The following ZNF483 variants were observed in gnomAD, a reference collection of about 807,000 sequenced individuals.
ZNF483 encodes the protein zinc finger protein 483, also known as zinc finger protein HIT-10.
A neutral mutation model predicts 28.6 loss-of-function variants in ZNF483; 9 were observed. The observed-to-expected ratio is 0.32, with a 90% CI of 0.19 to 0.55. The LOEUF (loss-of-function observed/expected upper bound fraction) is 0.55, where lower values mean the gene tolerates loss of function less well. ZNF483 is among the 20% of genes least tolerant of loss of function. ZNF483 has a pLI of 0.93. For synonymous variants in ZNF483, 322 were observed against 306.2 expected (o/e 1.05, Z -0.54); for missense variants, 675 against 871.7 (o/e 0.77, Z 2.84).
At chr9:111,532,680 A>G (rs1455476395) in intron 3 of ZNF483, among the ~76,000 whole-genome samples, 2 of 152,190 alleles carry the variant, frequency 1.3e-5, no homozygotes, top group Non-Finnish European at 2.9e-5. Flanking sequence ...GAGGAAGGTA[A>G]TACACGTACC....
Position 111,543,181 on chromosome 9 carries a change from A to G in ZNF483, c.*11A>G. The G allele has an allele frequency of 1.3e-6, 2 of 1,573,662 alleles. No homozygotes were observed. The highest frequency in any genetic ancestry group is 1.4e-5 in the African/African-American group (1 of 73,640). ...CACTCTGCAGAGTAATCCTGGAACT[A>G]CATTAAAGTGGGGGGAATTTAATTC... is the stretch of plus-strand genomic sequence containing the variant. On this transcript the variant is annotated 3_prime_UTR_variant, in exon 6 of 6. Transcript: ENST00000309235.
intron 5 of ZNF483, among the ~76,000 whole-genome samples, chr9:111,567,430 C>A (rs150988119): frequency 1.3e-5 from 2 of 152,288 alleles, no homozygotes; most frequent in African/African-American, 4.8e-5. Context: ...TGTGATCCAC[C>A]TGCCTTGGCC....
intron 5 of ZNF483, chr9:111,575,515 CAAAGCTA>C (rs1829019096): frequency 6.6e-6 from 1 of 152,210 alleles, no homozygotes; most frequent in East Asian, 1.9e-4. Flanking sequence ...AAACTTAATA[CAAAGCTA>C]AATTAATTAA....
At chr9:111,559,422 C>T (rs531416456), downstream of ZNF483, among the ~76,000 whole-genome samples, 72 of 152,104 alleles carry the variant, frequency 4.7e-4, no homozygotes, top group African/African-American at 1.5e-3. Context: ...CCCTGCTGCC[C>T]CTGCCCTACC....
In ZNF483 at chr9:111,550,532, C is replaced by G. The variant is rs1827908886; in HGVS notation, c.*7362C>G. On this transcript the variant is annotated 3_prime_UTR_variant, in exon 6 of 6. Transcript: ENST00000309235. ...TCCACCAATGTTAACTGCAATTTAC[C>G]ACTCAGAATTTCCCCTAGAAGCTAC... 6.6e-6 allele frequency among the ~76,000 whole-genome samples: 1 copy of G among 152,126 alleles called. No homozygotes were observed. Among genetic ancestry groups the G allele is most frequent in the Admixed American group, 6.6e-5 (1 of 15,258 alleles).
rs971737933 is a variant in ZNF483 at position 111,554,786 on chromosome 9, G to A, written c.*11616G>A. ...CAAGATTGAGGGTAACTGAAACCAC[G>A]GAAAGTGAAACTTTGAATAAGGGGA... On this transcript the variant is annotated 3_prime_UTR_variant, in exon 6 of 6. Transcript: ENST00000309235. Among the ~76,000 whole-genome samples the A allele has an allele frequency of 6.6e-6, 1 of 152,134 alleles. No homozygotes were observed. Among genetic ancestry groups the A allele is most frequent in the Non-Finnish European group, 1.5e-5 (1 of 68,012 alleles).
intron 5 of ZNF483, chr9:111,570,108 G>C (rs1276705001): frequency 6.2e-7 from 1 of 1,614,130 alleles, no homozygotes; most frequent in Non-Finnish European, 8.5e-7. Flanking sequence ...ACCCATTTCA[G>C]CAAGTCCTTC....
intron 2 of ZNF483, chr9:111,528,056 A>G (rs1827224755): frequency 5.0e-6 from 7 of 1,403,720 alleles, no homozygotes; most frequent in Non-Finnish European, 5.6e-6. Flanking sequence ...GTGAGACAAG[A>G]TAGGATATAA....
Position 111,542,149 on chromosome 9 carries a change from T to A in ZNF483, c.1214T>A (p.Leu405His), listed in dbSNP as rs771939317. 1 of 1,614,076 alleles carries A rather than the reference T, an allele frequency of 6.2e-7. No homozygotes were observed. The highest frequency in any genetic ancestry group is 2.2e-5 in the East Asian group (1 of 44,886). The change falls in exon 6 of 6, where the codon CTT (leucine) becomes CAT (histidine). Residue 405 changes from leucine (L) to histidine (H), a missense_variant. By Grantham distance (99) the Leu-to-His change is moderately conservative. Around this residue, in one of 6 missense-constraint regions of ZNF483, gnomAD observed 525 missense variants for 581.8 expected, o/e 0.90. Coordinates refer to ENST00000309235, the MANE Select transcript of ZNF483 (RefSeq NM_133464.5). This position sits in a 1 kb window ranked among gnomAD's most constrained non-coding sequence, Gnocchi z 6.2. ...CGIIFIRRST[L>H]SRRKTPMCEK... Reference sequence around the variant, plus strand: ...ATAATCTTTATTAGAAGATCAACTCTTTCTAGGAGAAAAACCCCTATGTGT... The same window carrying A: ...ATAATCTTTATTAGAAGATCAACTCATTCTAGGAGAAAAACCCCTATGTGT...
At chr9:111,534,492 T>G (rs1564593432) in intron 5 of ZNF483, 139 bp downstream of exon 5, 3 of 691,494 alleles carry the variant, frequency 4.3e-6, no homozygotes, top group Non-Finnish European at 2.4e-6. Flanking sequence ...CCTGAAATGT[T>G]CATTTTAGTG....
chr9:111,570,739 A>C (rs1828782407), intron 5 of ZNF483, among the ~76,000 whole-genome samples: 1 of 152,156 alleles, frequency 6.6e-6, no homozygotes, highest in South Asian at 2.1e-4. Flanking sequence ...AGATCGTGCC[A>C]CCGCACTCCA....
Position 111,542,451 on chromosome 9 carries a change from C to G in ZNF483, c.1516C>G (p.Leu506Val). ...TGATGACTGTGGGAAAGGTTTCACC[C>G]TAAGTGCTCACCTCATTAAACATCA... ...KCDDCGKGFT[L>V]SAHLIKHQRI... is the part of the protein sequence containing the mutation. The change falls in exon 6 of 6, where the codon CTA becomes GTA. Residue 506 changes from leucine to valine, a missense_variant. Leu to Val is a conservative substitution (Grantham distance 32). Coordinates refer to ENST00000309235, the MANE Select transcript of ZNF483 (RefSeq NM_133464.5). The surrounding 1 kb of genome is among the most constrained non-coding windows in gnomAD (Gnocchi z 6.2). The G allele has an allele frequency of 6.2e-7, 1 of 1,614,136 alleles. No individual in the cohort carries two copies. Among genetic ancestry groups the G allele is most frequent in the Non-Finnish European group, 8.5e-7 (1 of 1,180,020 alleles).
chr9:111,534,468 A>G lies in ZNF483; in HGVS notation c.721+115A>G, dbSNP rs575748026. On this transcript the variant is annotated intron_variant, in intron 5 of 5. Transcript: ENST00000309235. ...ACTAAAATACAAAGATGATTAGAATAGAGCCCTTGCCTTCCTGAAATGTTC... is the reference window on the plus strand; with the variant it reads ...ACTAAAATACAAAGATGATTAGAATGGAGCCCTTGCCTTCCTGAAATGTTC... 4.6e-4 allele frequency: 395 copies of G among 857,472 alleles called. 1 individual carries two copies. In the African/African-American group the frequency reaches 6.0e-3, roughly 13 times the overall value. 53.1% of individuals were successfully genotyped at this position (857,472 alleles called of 1,614,324 possible). A position where few individuals can be genotyped will look rare whatever the true frequency, so the allele number is the denominator to read the frequency against.
In ZNF483 at chr9:111,527,535, A is replaced by G; in HGVS notation, c.140A>G (p.Asp47Gly). ...QEAILRGNAA[D>G]AESFRQRFRW... Reference sequence around the variant, plus strand: ...GCTATTTTAAGAGGAAATGCTGCTGATGCAGAGTCTTTCAGACAGAGGTTT... The same window carrying G: ...GCTATTTTAAGAGGAAATGCTGCTGGTGCAGAGTCTTTCAGACAGAGGTTT... The change falls in exon 2 of 6, where the codon GAT becomes GGT. Residue 47 changes from aspartate to glycine, a missense_variant. By Grantham distance (94) the Asp-to-Gly change is moderately conservative. This residue lies in a region of ZNF483 where 525 missense variants were observed against 581.8 expected (regional missense o/e 0.90). Transcript: ENST00000309235. The G allele has an allele frequency of 6.2e-7, 1 of 1,614,256 alleles. No homozygotes were observed. The highest frequency in any genetic ancestry group is 8.5e-7 in the Non-Finnish European group (1 of 1,180,042).
At position 111,551,405 on chromosome 9, in the gene ZNF483, T is replaced by G. The variant is rs894984836; in HGVS notation, c.*8235T>G. 7.3e-5 allele frequency among the ~76,000 whole-genome samples: 10 copies of G among 136,760 alleles called. No homozygotes were observed. Among genetic ancestry groups the G allele is most frequent in the South Asian group, 2.6e-4 (1 of 3,904 alleles). The allele number at this position is 136,760 out of a possible 152,430, so 89.7% of individuals were successfully genotyped here. ...GAATCAAGTATCCAGTTTTTGTTTT[T>G]TTTTTTTTTTTTTTTTTTTTGAGAT... is the stretch of plus-strand genomic sequence containing the variant. On this transcript the variant is annotated 3_prime_UTR_variant, in exon 6 of 6. Coordinates refer to ENST00000309235, the MANE Select transcript of ZNF483 (RefSeq NM_133464.5).
At chr9:111,571,288 T>C (rs906139771) in intron 5 of ZNF483, among the ~76,000 whole-genome samples, 1 of 149,468 alleles carries the variant, frequency 6.7e-6, no homozygotes, top group Admixed American at 6.8e-5. Context: ...GGCACATGCC[T>C]GTAATCCCAG....
chr9:111,576,288 A>C (rs776799085), intron 5 of ZNF483: 29 of 1,466,450 alleles, frequency 2.0e-5, no homozygotes, highest in Non-Finnish European at 2.8e-5. Context: ...TCATATTTGC[A>C]TATTGTAAAC....
chr9:111,572,756 C>CAAAAAAAA (rs58101079), intron 5 of ZNF483, among the ~76,000 whole-genome samples: 18 of 63,428 alleles, frequency 2.8e-4, no homozygotes, highest in African/African-American at 4.6e-4. Flanking sequence ...GACCCTGTCT[C>CAAAAAAAA]AAAAAAAAAA....
At chr9:111,531,576 C>T (rs1827348273) in intron 3 of ZNF483, among the ~76,000 whole-genome samples, 1 of 152,078 alleles carries the variant, frequency 6.6e-6, no homozygotes, top group East Asian at 1.9e-4. Context: ...GGGGTTTCAC[C>T]ATGTTGGCCA....
Sources: gnomAD v4.1 joint callset for allele counts (sites outside exome capture counted in the v4.1 genomes callset) on GRCh38, gnomAD v4.1.1 for gene constraint, gnomAD v4.1.1 regional missense constraint, Gnocchi (gnomAD v3.1) non-coding constraint, MANE v1.5 for transcripts, NCBI Gene and HGNC (gene_info 2026-07-23, HGNC 2026-07-21) for gene names.